Variants in RECK observed in about 807,000 individuals in gnomAD.
The protein encoded by RECK is reversion inducing cysteine rich protein with kazal motifs.
RECK carries 69 observed loss-of-function variants against 115.1 expected under a neutral mutation model. The ratio of observed to expected loss-of-function variants is 0.60; its 90% CI spans 0.49 to 0.73. The LOEUF (loss-of-function observed/expected upper bound fraction) is 0.73, where lower values mean the gene tolerates loss of function less well. Among genes scored for constraint, RECK ranks in the 30% least tolerant of loss-of-function variants. The probability of loss-of-function intolerance (pLI) is 0.00; values close to 1 mark genes in which losing one functional copy is unlikely to be tolerated. For missense variants in RECK, 1,047 were observed against 1,203.7 expected (o/e 0.87, Z 1.93); for synonymous variants, 414 against 419.7 (o/e 0.99, Z 0.17).
chr9:36,098,227 C>T (rs1823431897), intron 10 of RECK, among the ~76,000 whole-genome samples: 1 of 152,026 alleles, frequency 6.6e-6, no homozygotes, highest in Non-Finnish European at 1.5e-5. Context: ...GTTCTTACCA[C>T]AAAAAAATTA....
intron 17 of RECK, 126 bp downstream of exon 17, chr9:36,117,303 C>T: frequency 1.5e-6 from 1 of 681,692 alleles, no homozygotes; most frequent in Non-Finnish European, 2.4e-6. Context: ...CTATAGCACC[C>T]AGTCCTCCAC....
intron 1 of RECK, among the ~76,000 whole-genome samples, chr9:36,045,036 C>T (rs1821017637): frequency 6.6e-6 from 1 of 152,092 alleles, no homozygotes; most frequent in Non-Finnish European, 1.5e-5. Flanking sequence ...ATGAGGCAAG[C>T]AGTGGAGAAG....
intron 9 of RECK, 123 bp from the exon 10 acceptor site, chr9:36,091,041 T>C: frequency 1.3e-6 from 1 of 775,870 alleles, no homozygotes; most frequent in Non-Finnish European, 1.9e-6. Context: ...AGTCATTTGG[T>C]TTTTTTACTT....
chr9:36,057,334 C>A (rs1430184517), intron 2 of RECK, among the ~76,000 whole-genome samples: 1 of 151,620 alleles, frequency 6.6e-6, no homozygotes, highest in African/African-American at 2.4e-5. Context: ...TCTTTTTTTT[C>A]TTCCTTCTCT....
intron 1 of RECK, among the ~76,000 whole-genome samples, chr9:36,051,303 A>G (rs1387687672): frequency 1.2e-4 from 18 of 152,144 alleles, no homozygotes; most frequent in Admixed American, 1.1e-3. Context: ...AAGAAGGTCA[A>G]GTCTTTTCCA....
At chr9:36,092,261 G>A (rs889266510) in intron 10 of RECK, among the ~76,000 whole-genome samples, 1 of 152,156 alleles carries the variant, frequency 6.6e-6, no homozygotes, top group South Asian at 2.1e-4. Context: ...GGAGTAGCTT[G>A]TATGAGAATA....
chr9:36,063,888 T>C lies in RECK; in HGVS notation c.357+8T>C. ...CGACAGGCATGCAAGCAGGTAACAC[T>C]GGGTAGTCAGGCTCTCAAACATCAT... On this transcript the variant is annotated splice_region_variant and intron_variant, in intron 5 of 20. Coordinates refer to ENST00000377966, the MANE Select transcript of RECK (RefSeq NM_021111.3). 6.2e-7 allele frequency: 1 copy of C among 1,613,548 alleles called. No individual in the cohort carries two copies. The highest frequency in any genetic ancestry group is 8.5e-7 in the Non-Finnish European group (1 of 1,179,448).
rs139893051 is a variant in RECK at position 36,037,047 on chromosome 9, G to A, written c.49G>A (p.Ala17Thr). Residue 17 changes from alanine (A) to threonine (T), a missense_variant, in exon 1 of 21, where the codon GCC becomes ACC. Coordinates refer to ENST00000377966, the MANE Select transcript of RECK (RefSeq NM_021111.3). ...GCGAGGTGCGCTGCTCCTTCTGCTG[G>A]CCGTGGCGGGGGTCGCGGAGGTGGC... The part of the protein sequence containing the change: ...SLRGALLLLL[A>T]VAGVAEVAGG... 3,102 of 1,404,958 alleles carry A rather than the reference G, an allele frequency of 2.2e-3. 63 individuals carry two copies. In the African/African-American group the frequency reaches 0.038, roughly 17 times the overall value. 87.0% of individuals were successfully genotyped at this position (1,404,958 alleles called of 1,614,324 possible). A position where few individuals can be genotyped will look rare whatever the true frequency, so the allele number is the denominator to read the frequency against.
At chr9:36,096,236 CA>C (rs1170301277) in intron 10 of RECK, among the ~76,000 whole-genome samples, 2 of 143,362 alleles carry the variant, frequency 1.4e-5, no homozygotes, top group Admixed American at 7.0e-5. Flanking sequence ...GACCCTATCT[CA>C]AAAAAAAAAT....
At chr9:36,083,264 T>G (rs1316885280) in intron 7 of RECK, 101 bp from the exon 8 acceptor site, 1 of 1,259,742 alleles carries the variant, frequency 7.9e-7, no homozygotes, top group Non-Finnish European at 1.1e-6. Flanking sequence ...TGGTTTTATT[T>G]CTCAAATTTA....
chr9:36,069,494 A>AG (rs1822144264), intron 6 of RECK, among the ~76,000 whole-genome samples: 1 of 147,074 alleles, frequency 6.8e-6, no homozygotes. Flanking sequence ...AAAAAAAAAA[A>AG]AAAAAGAAGA....
At chr9:36,104,495 C>A in intron 12 of RECK, among the ~76,000 whole-genome samples, 1 of 146,680 alleles carries the variant, frequency 6.8e-6, no homozygotes, top group African/African-American at 2.5e-5. Context: ...TGCCACCACG[C>A]CCAGCTAAAT....
At chr9:36,044,220 A>AT (rs5897625) in intron 1 of RECK, among the ~76,000 whole-genome samples, 2,378 of 141,434 alleles carry the variant, frequency 0.017, 23 homozygotes, top group South Asian at 0.044. Flanking sequence ...ATTTTATTTT[A>AT]TTTTTTTTTT....
intron 1 of RECK, among the ~76,000 whole-genome samples, chr9:36,051,262 A>G (rs138051925): frequency 3.9e-5 from 6 of 152,304 alleles, no homozygotes; most frequent in African/African-American, 1.4e-4. Context: ...TCAGAGGAAC[A>G]TTAGCTCTCT....
At chr9:36,074,032 C>A (rs1422098982) in intron 6 of RECK, among the ~76,000 whole-genome samples, 2 of 152,026 alleles carry the variant, frequency 1.3e-5, no homozygotes, top group Non-Finnish European at 2.9e-5. Flanking sequence ...TCCACAACCA[C>A]CCCCCACAAA....
chr9:36,118,904 G>A lies in RECK; in HGVS notation c.2401G>A (p.Glu801Lys), dbSNP rs763992953. 1.2e-5 allele frequency: 19 copies of A among 1,613,714 alleles called. No homozygotes were observed. Among genetic ancestry groups the A allele is most frequent in the Admixed American group, 1.7e-5 (1 of 60,030 alleles). ...GVLSEHSSVA[E>K]CASVKCPSLL... is the part of the protein sequence containing the mutation. The stretch of plus-strand genomic sequence containing the variant: ...CCTCTCAGAGCACAGCTCCGTCGCC[G>A]AGTGTGCTTCTGTCAAGTGTCCTTC... Residue 801 changes from glutamate (E) to lysine (K), a missense_variant, in exon 18 of 21, where the codon GAG (glutamate) becomes AAG (lysine). Coordinates refer to ENST00000377966, the MANE Select transcript of RECK (RefSeq NM_021111.3).
intron 6 of RECK, among the ~76,000 whole-genome samples, chr9:36,080,218 C>T (rs927402566): frequency 6.6e-6 from 1 of 152,182 alleles, no homozygotes; most frequent in African/African-American, 2.4e-5. Context: ...CCTTTCAAAT[C>T]TAAAATGCAG....
chr9:36,121,716 T>C, intron 20 of RECK, 28 bp downstream of exon 20: 1 of 1,607,962 alleles, frequency 6.2e-7, no homozygotes, highest in East Asian at 2.2e-5. Flanking sequence ...TGTGAAGCCA[T>C]CTTGTCACTT....
chr9:36,052,663 TGAA>T (rs1347810544), intron 2 of RECK, among the ~76,000 whole-genome samples: 1 of 152,190 alleles, frequency 6.6e-6, no homozygotes, highest in Non-Finnish European at 1.5e-5. Context: ...ATTTGAATTA[TGAA>T]GAAGTAGTCG....
Sources: allele counts gnomAD v4.1 joint callset (sites outside exome capture counted in the v4.1 genomes callset), GRCh38; gene constraint gnomAD v4.1.1; transcripts MANE v1.5; gene names NCBI Gene and HGNC (gene_info 2026-07-23, HGNC 2026-07-21).